The following CNTN5 variants were observed in gnomAD, a reference collection of about 807,000 sequenced individuals.
CNTN5 encodes contactin 5.
In CNTN5, 77 loss-of-function variants were observed where a neutral mutation model predicts 129.1. That is an observed-to-expected ratio of 0.60 (90% confidence interval 0.50 to 0.72). The LOEUF (loss-of-function observed/expected upper bound fraction) is 0.72, where lower values mean the gene tolerates loss of function less well. CNTN5 is among the 30% of genes least tolerant of loss of function. The probability of loss-of-function intolerance (pLI) is 0.00; values close to 1 mark genes in which losing one functional copy is unlikely to be tolerated. For missense variants in CNTN5, 1,478 were observed against 1,328.8 expected (o/e 1.11, Z -1.75); for synonymous variants, 509 against 465.6 (o/e 1.09, Z -1.20).
intron 17 of CNTN5, 106 bp downstream of exon 17, chr11:100,256,024 TTTG>T (rs1950061873): frequency 1.0e-6 from 1 of 987,980 alleles, no homozygotes; most frequent in African/African-American, 1.6e-5. Context: ...CTGAAATCTC[TTTG>T]TTATTTCTTA....
At chr11:99,532,596 G>A (rs1947754109) in intron 2 of CNTN5, among the ~76,000 whole-genome samples, 1 of 152,170 alleles carries the variant, frequency 6.6e-6, no homozygotes, top group Non-Finnish European at 1.5e-5. Flanking sequence ...GAGGGACCCA[G>A]GAGGAGATAA....
intron 3 of CNTN5, among the ~76,000 whole-genome samples, chr11:99,621,353 TG>T (rs1354067774): frequency 6.6e-6 from 1 of 152,174 alleles, no homozygotes; most frequent in East Asian, 1.9e-4. Context: ...CCAGTGTACT[TG>T]ACTGATGAAT....
intron 15 of CNTN5, among the ~76,000 whole-genome samples, chr11:100,214,148 T>C (rs796155485): frequency 4.6e-5 from 7 of 152,246 alleles, no homozygotes; most frequent in African/African-American, 1.7e-4. Flanking sequence ...GAAATGCTGA[T>C]ATAAAATTAA....
At chr11:99,922,747 G>A (rs192995876) in intron 7 of CNTN5, among the ~76,000 whole-genome samples, 6 of 152,272 alleles carry the variant, frequency 3.9e-5, no homozygotes, top group Admixed American at 3.3e-4. Context: ...TGTTCTTTCA[G>A]TATATGAAGC....
At chr11:100,134,803 A>C (rs1946474076) in intron 13 of CNTN5, among the ~76,000 whole-genome samples, 1 of 152,128 alleles carries the variant, frequency 6.6e-6, no homozygotes, top group Admixed American at 6.6e-5. Flanking sequence ...ACTCCAGTCC[A>C]CCTACCAAAT....
intron 2 of CNTN5, among the ~76,000 whole-genome samples, chr11:99,434,606 C>A (rs573332070): frequency 6.6e-6 from 1 of 152,106 alleles, no homozygotes; most frequent in Non-Finnish European, 1.5e-5. Context: ...TTTATTCCAA[C>A]GTAGGACACA....
intron 8 of CNTN5, among the ~76,000 whole-genome samples, chr11:99,958,218 A>G (rs902380203): frequency 6.6e-6 from 1 of 152,230 alleles, no homozygotes; most frequent in African/African-American, 2.4e-5. Context: ...GCGATAAATG[A>G]CTGAACAAAA....
chr11:99,522,977 A>G (rs1441778750), intron 2 of CNTN5, among the ~76,000 whole-genome samples: 1 of 152,184 alleles, frequency 6.6e-6, no homozygotes, highest in Non-Finnish European at 1.5e-5. Context: ...AATTCCAAAA[A>G]AGTCCAAGAT....
At chr11:99,035,228 GA>G (rs1456720991) in intron 1 of CNTN5, among the ~76,000 whole-genome samples, 1 of 149,946 alleles carries the variant, frequency 6.7e-6, no homozygotes, top group African/African-American at 2.5e-5. Flanking sequence ...GTGTGGTGCT[GA>G]AAAAAATGTA....
Position 99,178,607 on chromosome 11 carries a change from T to A in CNTN5, c.-209-146739T>A, listed in dbSNP as rs190576906. 2.6e-5 allele frequency among the ~76,000 whole-genome samples: 4 copies of A among 152,212 alleles called. No individual in the cohort carries two copies. In the East Asian group the frequency reaches 7.7e-4, roughly 29 times the overall value. On this transcript the variant is annotated intron_variant, in intron 1 of 24. Transcript: ENST00000524871. ...AATGGTGTTTATATCTATAATTAAT[T>A]GGAAAAATGTATACAGATTTACTTT...
intron 15 of CNTN5, among the ~76,000 whole-genome samples, chr11:100,216,419 TATATC>T (rs1408602689): frequency 2.0e-5 from 3 of 152,140 alleles, no homozygotes; most frequent in Non-Finnish European, 4.4e-5. Context: ...ATAAAAAAGA[TATATC>T]AGTAAAATAT....
chr11:100,068,082 C>T (rs1186914301), intron 10 of CNTN5, among the ~76,000 whole-genome samples: 1 of 152,036 alleles, frequency 6.6e-6, no homozygotes, highest in Non-Finnish European at 1.5e-5. Context: ...TTAAAGGCTA[C>T]AGTCATGGTA....
At chr11:99,930,778 A>AC in intron 7 of CNTN5, among the ~76,000 whole-genome samples, 1 of 91,760 alleles carries the variant, frequency 1.1e-5, no homozygotes, top group African/African-American at 4.3e-5. Flanking sequence ...AGTAGATAAA[A>AC]ATAAACACAT....
chr11:100,047,910 T>A (rs1846253361), intron 9 of CNTN5, among the ~76,000 whole-genome samples: 1 of 152,054 alleles, frequency 6.6e-6, no homozygotes, highest in Non-Finnish European at 1.5e-5. Context: ...GGCGGGCAGA[T>A]CACCAAGTCA....
chr11:99,902,440 C>T (rs1005489210), intron 6 of CNTN5, among the ~76,000 whole-genome samples: 1 of 151,848 alleles, frequency 6.6e-6, no homozygotes, highest in African/African-American at 2.4e-5. Context: ...TTTGGGATGC[C>T]CTTCAGTAAT....
chr11:99,296,151 A>T (rs903402648), intron 1 of CNTN5, among the ~76,000 whole-genome samples: 1 of 152,164 alleles, frequency 6.6e-6, no homozygotes, highest in African/African-American at 2.4e-5. Context: ...AGAAGCCTTG[A>T]TCTGTGATCT....
intron 1 of CNTN5, among the ~76,000 whole-genome samples, chr11:99,288,154 C>T (rs1864019174): frequency 6.6e-6 from 1 of 151,626 alleles, no homozygotes; most frequent in Non-Finnish European, 1.5e-5. Context: ...GCAAATGAGC[C>T]AAATGATTAT....
chr11:99,832,999 A>G (rs978222168), intron 4 of CNTN5, among the ~76,000 whole-genome samples: 13 of 152,212 alleles, frequency 8.5e-5, no homozygotes, highest in African/African-American at 2.9e-4. Flanking sequence ...AGTTGATGTT[A>G]AAAAGAGGAT....
intron 18 of CNTN5, among the ~76,000 whole-genome samples, chr11:100,273,822 G>T (rs1242553057): frequency 2.0e-5 from 3 of 152,142 alleles, no homozygotes. Flanking sequence ...AGAGTTCATG[G>T]TATTTCTATT....
Sources: allele counts gnomAD v4.1 joint callset (sites outside exome capture counted in the v4.1 genomes callset), GRCh38; gene constraint gnomAD v4.1.1; transcripts MANE v1.5; gene names NCBI Gene and HGNC (gene_info 2026-07-23, HGNC 2026-07-21).